Variants in FGGY observed in about 807,000 individuals in gnomAD.
FGGY encodes the protein FGGY carbohydrate kinase domain-containing protein.
FGGY carries 72 observed loss-of-function variants against 71.3 expected under a neutral mutation model. That is an observed-to-expected ratio of 1.01 (90% confidence interval 0.84 to 1.23). The LOEUF (loss-of-function observed/expected upper bound fraction) is 1.23, where lower values mean the gene tolerates loss of function less well. Ranked by LOEUF, FGGY falls within the 50% of genes most tolerant of loss-of-function variation. The probability of loss-of-function intolerance (pLI) is 0.00; values close to 1 mark genes in which losing one functional copy is unlikely to be tolerated. For missense variants in FGGY, 668 were observed against 682.3 expected, an observed-to-expected ratio of 0.98 and a Z score of 0.23; for synonymous variants, 251 against 250.3, an observed-to-expected ratio of 1.00 and a Z score of -0.02.
At chr1:59,721,333 C>CTTTTTTTTTTTTTTTTTTT (rs1193468922) in intron 14 of FGGY, among the ~76,000 whole-genome samples, 1 of 68,588 alleles carries the variant, frequency 1.5e-5, no homozygotes, top group African/African-American at 5.6e-5. Flanking sequence ...CTTTTCTTTC[C>CTTTTTTTTTTTTTTTTTTT]TTTGTTTTTT....
At chr1:59,325,312 G>C (rs1243096582) in intron 2 of FGGY, among the ~76,000 whole-genome samples, 1 of 152,086 alleles carries the variant, frequency 6.6e-6, no homozygotes, top group Non-Finnish European at 1.5e-5. Context: ...AGCCGAGATT[G>C]CGCCATTGCA....
intron 6 of FGGY, 107 bp downstream of exon 6, chr1:59,457,183 C>A: frequency 1.3e-6 from 1 of 794,624 alleles, no homozygotes; most frequent in Non-Finnish European, 2.1e-6. Context: ...CATGAAAATA[C>A]AGGAATGAAG....
rs970009630 is a variant in FGGY at position 59,721,957 on chromosome 1, G to A, written c.1513-35974G>A. Among the ~76,000 whole-genome samples, 15 of 152,272 alleles carry A rather than the reference G, an allele frequency of 9.9e-5. No homozygotes were observed. The East Asian group carries it at 2.3e-3, about 24-fold the overall frequency. ...GTGAGCACAGTAATAGAAGCAAAGC[G>A]AGACCTTTGTTAATTAAAGCACATA... On this transcript the variant is annotated intron_variant, in intron 14 of 15. Transcript: ENST00000303721.
intron 5 of FGGY, among the ~76,000 whole-genome samples, chr1:59,390,410 A>T (rs985557789): frequency 5.1e-4 from 78 of 152,150 alleles, no homozygotes; most frequent in Non-Finnish European, 9.3e-4. Context: ...TTCTATTTTC[A>T]AGATCACCTC....
chr1:59,588,689 A>G (rs968547405), intron 8 of FGGY, among the ~76,000 whole-genome samples: 2 of 152,194 alleles, frequency 1.3e-5, no homozygotes, highest in Non-Finnish European at 2.9e-5. Flanking sequence ...CAGCCAAACT[A>G]AGCTTCAAAA....
chr1:59,703,278 G>A (rs2097725487), intron 14 of FGGY, among the ~76,000 whole-genome samples: 1 of 152,096 alleles, frequency 6.6e-6, no homozygotes, highest in Non-Finnish European at 1.5e-5. Context: ...TGTGCTGAGG[G>A]GTTTTGTCCA....
chr1:59,619,170 G>A (rs924297060), intron 9 of FGGY, among the ~76,000 whole-genome samples: 2 of 152,006 alleles, frequency 1.3e-5, no homozygotes, highest in African/African-American at 4.8e-5. Context: ...TTAGAGTGAT[G>A]TTTATTTATA....
At chr1:59,719,368 C>G (rs1019002191) in intron 14 of FGGY, among the ~76,000 whole-genome samples, 3 of 152,130 alleles carry the variant, frequency 2.0e-5, no homozygotes, top group African/African-American at 4.8e-5. Flanking sequence ...CACTTGCTAG[C>G]CATGTCATCC....
At chr1:59,428,007 G>A (rs540709255) in intron 5 of FGGY, among the ~76,000 whole-genome samples, 2 of 152,276 alleles carry the variant, frequency 1.3e-5, no homozygotes, top group African/African-American at 4.8e-5. Context: ...TACAGTATGG[G>A]GGATGGCTGG....
At chr1:59,582,924 G>T (rs1181570025) in intron 8 of FGGY, among the ~76,000 whole-genome samples, 1 of 149,936 alleles carries the variant, frequency 6.7e-6, no homozygotes, top group Non-Finnish European at 1.5e-5. Context: ...CATCGTTTTT[G>T]ATATTTTGAA....
At chr1:59,302,106 T>G (rs1259504900) in intron 1 of FGGY, among the ~76,000 whole-genome samples, 1 of 152,122 alleles carries the variant, frequency 6.6e-6, no homozygotes, top group African/African-American at 2.4e-5. Context: ...TTTCCAATGT[T>G]AAATCTTGTG....
intron 14 of FGGY, among the ~76,000 whole-genome samples, chr1:59,692,771 G>A (rs1047437774): frequency 6.6e-6 from 1 of 152,132 alleles, no homozygotes; most frequent in Admixed American, 6.5e-5. Context: ...AAGTCTAATT[G>A]ATGGCAGATG....
intron 4 of FGGY, among the ~76,000 whole-genome samples, chr1:59,369,286 A>C (rs2057145589): frequency 6.6e-6 from 1 of 152,178 alleles, no homozygotes; most frequent in African/African-American, 2.4e-5. Context: ...GGAGGGTCGT[A>C]CGCCCACGGA....
rs144943276 is a variant in FGGY at position 59,357,688 on chromosome 1, C to T, written c.465+11290C>T. Among the ~76,000 whole-genome samples, 371 of 152,300 alleles carry T rather than the reference C, an allele frequency of 2.4e-3. 4 individuals are homozygous for T. The highest frequency in any genetic ancestry group is 8.7e-3 in the African/African-American group (360 of 41,568). ...CCATAAAAGCAGGGACCAAATCTATCTTTTCATACCTTACTGTTTTATATC... is the reference window on the plus strand; with the variant it reads ...CCATAAAAGCAGGGACCAAATCTATTTTTTCATACCTTACTGTTTTATATC... On this transcript the variant is annotated intron_variant, in intron 4 of 15. Transcript: ENST00000303721.
chr1:59,726,650 G>T (rs565009307), intron 14 of FGGY, among the ~76,000 whole-genome samples: 1 of 152,184 alleles, frequency 6.6e-6, no homozygotes, highest in African/African-American at 2.4e-5. Context: ...TGTAAATTTT[G>T]ATAGTTTTTG....
intron 2 of FGGY, among the ~76,000 whole-genome samples, chr1:59,335,271 C>A (rs1167499489): frequency 1.3e-5 from 2 of 152,036 alleles, no homozygotes; most frequent in East Asian, 3.9e-4. Context: ...TATAGGTGTT[C>A]TTTTTAGAAA....
chr1:59,340,177 T>C, intron 3 of FGGY, 108 bp downstream of exon 3: 1 of 716,568 alleles, frequency 1.4e-6, no homozygotes, highest in Middle Eastern at 3.0e-4. Context: ...GATAGTAAAA[T>C]TTAGAGGTAG....
intron 8 of FGGY, among the ~76,000 whole-genome samples, chr1:59,572,960 C>T (rs2096012173): frequency 6.6e-6 from 1 of 152,168 alleles, no homozygotes; most frequent in Non-Finnish European, 1.5e-5. Context: ...GAAAGGTCTT[C>T]TCAAGAAGTA....
intron 14 of FGGY, among the ~76,000 whole-genome samples, chr1:59,742,326 G>C (rs2098157566): frequency 6.6e-6 from 1 of 152,136 alleles, no homozygotes; most frequent in Non-Finnish European, 1.5e-5. Flanking sequence ...GAGCCCAAAG[G>C]GCTTTTCAAC....
Sources: gnomAD v4.1 joint callset for allele counts (sites outside exome capture counted in the v4.1 genomes callset) on GRCh38, gnomAD v4.1.1 for gene constraint, MANE v1.5 for transcripts, NCBI Gene and HGNC (gene_info 2026-07-23, HGNC 2026-07-21) for gene names.